Variants in ARHGAP39 observed in about 807,000 individuals in gnomAD.
ARHGAP39 encodes the protein rho GTPase-activating protein 39.
ARHGAP39 carries 44 observed loss-of-function variants against 106.9 expected under a neutral mutation model. That is an observed-to-expected ratio of 0.41 (90% CI 0.32 to 0.53). The LOEUF (loss-of-function observed/expected upper bound fraction) is 0.53, where lower values mean the gene tolerates loss of function less well. ARHGAP39 is among the 20% of genes least tolerant of loss of function. The pLI, the probability that ARHGAP39 is intolerant of heterozygous loss-of-function variation, is 0.21. For missense variants in ARHGAP39, 1,496 were observed against 1,577.3 expected, an observed-to-expected ratio of 0.95 and a Z score of 0.87; for synonymous variants, 768 against 693.2, an observed-to-expected ratio of 1.11 and a Z score of -1.69.
At chr8:144,590,754 C>A (rs1819361366) in intron 2 of ARHGAP39, among the ~76,000 whole-genome samples, 3 of 152,224 alleles carry the variant, frequency 2.0e-5, no homozygotes, top group South Asian at 2.1e-4. Flanking sequence ...ACCCCTACCC[C>A]CCCACAACCC....
At chr8:144,623,577 A>G (rs994490077) in intron 1 of ARHGAP39, among the ~76,000 whole-genome samples, 7 of 152,388 alleles carry the variant, frequency 4.6e-5, no homozygotes, top group Non-Finnish European at 5.9e-5. Flanking sequence ...CGGCACAGAC[A>G]CAAAGCAGGC....
At position 144,591,917 on chromosome 8, in the gene ARHGAP39, GGGGAGTGGTGCCTGCA is replaced by G. The variant is rs1347660322; in HGVS notation, c.81-10656_81-10641del. 6.6e-6 allele frequency among the ~76,000 whole-genome samples: 1 copy of G among 152,028 alleles called. No individual in the cohort carries two copies. The highest frequency in any genetic ancestry group is 2.4e-5 in the African/African-American group (1 of 41,384). ...GCTGCCTGTGGGGAGTGGTGCCTGT[GGGGAGTGGTGCCTGCA>G]GGGAGTGGTGCCTGATCTCCTGTTC... On this transcript the variant is annotated intron_variant, in intron 2 of 11. Coordinates refer to ENST00000377307, the MANE Select transcript of ARHGAP39 (RefSeq NM_025251.3). The surrounding 1 kb of genome is among the most constrained non-coding windows in gnomAD (Gnocchi z 5.3).
intron 1 of ARHGAP39, among the ~76,000 whole-genome samples, chr8:144,636,438 A>G (rs1821174734): frequency 6.6e-6 from 1 of 152,152 alleles, no homozygotes; most frequent in South Asian, 2.1e-4. Flanking sequence ...AACAGAAAAG[A>G]TGACAAAAGG....
the ARHGAP39 span, among the ~76,000 whole-genome samples, chr8:144,698,151 A>G: frequency 6.6e-6 from 1 of 152,164 alleles, no homozygotes; most frequent in Admixed American, 6.5e-5. Flanking sequence ...TCATGGTAAT[A>G]AGGGAGTTCT....
intron 10 of ARHGAP39, 107 bp downstream of exon 10, chr8:144,532,198 A>G (rs1816751723): frequency 5.6e-6 from 5 of 899,380 alleles, no homozygotes; most frequent in Non-Finnish European, 8.7e-6. Context: ...GGAAGCCATC[A>G]CATCACTGGG....
At chr8:144,561,163 A>G (rs186105143) in intron 3 of ARHGAP39, among the ~76,000 whole-genome samples, 2 of 152,212 alleles carry the variant, frequency 1.3e-5, no homozygotes, top group African/African-American at 4.8e-5. Context: ...ATCACACCCC[A>G]GTGGTTTCCA....
chr8:144,575,207 G>A (rs1818728444), intron 3 of ARHGAP39, among the ~76,000 whole-genome samples: 2 of 152,168 alleles, frequency 1.3e-5, no homozygotes, highest in South Asian at 2.1e-4. Context: ...GTCGGTGAGT[G>A]AGCCCTGGAT....
intron 3 of ARHGAP39, among the ~76,000 whole-genome samples, chr8:144,564,514 C>A (rs944452815): frequency 2.6e-5 from 4 of 152,096 alleles, no homozygotes; most frequent in African/African-American, 9.7e-5. Context: ...TGAACCTAAC[C>A]CCAAACTGAC....
Position 144,586,583 on chromosome 8 carries a change from C to T in ARHGAP39, c.81-5306G>A, listed in dbSNP as rs1456385542. On this transcript the variant is annotated intron_variant, in intron 2 of 11. Coordinates refer to ENST00000377307, the MANE Select transcript of ARHGAP39 (RefSeq NM_025251.3). The surrounding 1 kb of genome is among the most constrained non-coding windows in gnomAD (Gnocchi z 4.2). ...CATTAGTGACAGCCTCAGGAGCAGC[C>T]TCGGAGTGTGACTCCTTCACAGACA... 3 of 152,296 alleles carry T rather than the reference C, an allele frequency of 2.0e-5. No homozygotes were observed. Among genetic ancestry groups the T allele is most frequent in the Admixed American group, 6.5e-5 (1 of 15,284 alleles). The allele number at this position is 152,296 out of a possible 1,614,324, so 9.4% of individuals were successfully genotyped here.
upstream of ARHGAP39, among the ~76,000 whole-genome samples, chr8:144,688,723 A>C (rs973681041): frequency 7.9e-5 from 12 of 152,240 alleles, no homozygotes; most frequent in Admixed American, 6.5e-4. Flanking sequence ...ACCCTGTCTC[A>C]GAAAGTAAAA....
chr8:144,667,978 C>G (rs1185903331), intron 1 of ARHGAP39, among the ~76,000 whole-genome samples: 1 of 151,824 alleles, frequency 6.6e-6, no homozygotes, highest in Non-Finnish European at 1.5e-5. Context: ...ATTGGGCGAG[C>G]TGAAAATGCC....
At chr8:144,603,272 C>T (rs1470737930) in intron 2 of ARHGAP39, among the ~76,000 whole-genome samples, 2 of 150,612 alleles carry the variant, frequency 1.3e-5, no homozygotes, top group South Asian at 2.1e-4. Flanking sequence ...TGTGCATGTG[C>T]GTGGAGGTGT....
Position 144,530,048 on chromosome 8 carries a change from G to T in ARHGAP39, c.*374C>A. The T allele has an allele frequency of 4.3e-6, 1 of 232,438 alleles. No individual in the cohort carries two copies. The highest frequency in any genetic ancestry group is 7.5e-5 in the South Asian group (1 of 13,334). 14.4% of individuals were successfully genotyped at this position (232,438 alleles called of 1,614,324 possible). On this transcript the variant is annotated 3_prime_UTR_variant, in exon 12 of 12. Coordinates refer to ENST00000377307, the MANE Select transcript of ARHGAP39 (RefSeq NM_025251.3). The stretch of plus-strand genomic sequence containing the variant: ...AAGGGAAGGAGAGACCGGGGCGGCT[G>T]GGCAAGGCCCAGGCCAGGGCGCGCA...
At chr8:144,631,458 T>A (rs762173248) in intron 1 of ARHGAP39, among the ~76,000 whole-genome samples, 12 of 152,262 alleles carry the variant, frequency 7.9e-5, no homozygotes, top group Non-Finnish European at 1.6e-4. Flanking sequence ...AATATCCCTT[T>A]CTTTACGCCA....
chr8:144,665,846 G>A (rs987741153), intron 1 of ARHGAP39, among the ~76,000 whole-genome samples: 1 of 152,176 alleles, frequency 6.6e-6, no homozygotes, highest in Non-Finnish European at 1.5e-5. Flanking sequence ...ATGTGGGGTT[G>A]GAGTCCCTAC....
chr8:144,595,571 G>A (rs935543547), intron 2 of ARHGAP39, among the ~76,000 whole-genome samples: 2 of 152,256 alleles, frequency 1.3e-5, no homozygotes, highest in African/African-American at 4.8e-5. Context: ...GAGTCTGGCA[G>A]GTGAGGGGCA....
chr8:144,661,423 T>A (rs1348542821), intron 1 of ARHGAP39, among the ~76,000 whole-genome samples: 1 of 151,922 alleles, frequency 6.6e-6, no homozygotes, highest in Admixed American at 6.6e-5. Flanking sequence ...CCTGTGATAG[T>A]CTCAACTCTC....
chr8:144,589,367 T>C (rs1403128454), intron 2 of ARHGAP39, among the ~76,000 whole-genome samples: 1 of 152,208 alleles, frequency 6.6e-6, no homozygotes, highest in East Asian at 1.9e-4. Flanking sequence ...GGGCCTACCC[T>C]GGGGCAGGGA....
intron 1 of ARHGAP39, among the ~76,000 whole-genome samples, chr8:144,623,660 C>A (rs1820862735): frequency 6.6e-6 from 1 of 152,188 alleles, no homozygotes; most frequent in Admixed American, 6.5e-5. Context: ...CTTTACCTTG[C>A]AGGTGTGCAG....
Sources: allele counts gnomAD v4.1 joint callset (sites outside exome capture counted in the v4.1 genomes callset), GRCh38; gene constraint gnomAD v4.1.1; non-coding constraint Gnocchi (gnomAD v3.1); transcripts MANE v1.5; gene names NCBI Gene and HGNC (gene_info 2026-07-23, HGNC 2026-07-21).